Variants in ZNF468 observed in about 807,000 individuals in gnomAD.
The protein encoded by ZNF468 is zinc finger protein ZNF468.
ZNF468 carries 8 observed loss-of-function variants against 7.2 expected under a neutral mutation model. The ratio of observed to expected loss-of-function variants is 1.11; its 90% CI spans 0.65 to 2.01. The LOEUF (loss-of-function observed/expected upper bound fraction) is 2.01, where lower values mean the gene tolerates loss of function less well. Among genes scored for constraint, ZNF468 ranks in the 30% most tolerant of loss-of-function variants. The pLI is 0.00. For synonymous variants in ZNF468, 218 were observed against 214.4 expected (o/e 1.02, Z -0.15); for missense variants, 608 against 626.5 (o/e 0.97, Z 0.31).
Position 52,840,067 on chromosome 19 carries a change from T to C in ZNF468, c.*658A>G, listed in dbSNP as rs1315119202. ...TTTCTCTCCAGTGTGAATTCTAGTA[T>C]GGGGTGCCACGTGTGAATCATTCCC... On this transcript the variant is annotated 3_prime_UTR_variant, in exon 4 of 4. Coordinates refer to ENST00000595646, the MANE Select transcript of ZNF468 (RefSeq NM_001008801.2). 3.6e-6 allele frequency: 4 copies of C among 1,102,720 alleles called. No homozygotes were observed. The highest frequency in any genetic ancestry group is 5.1e-5 in the Admixed American group (2 of 39,118). 68.3% of individuals were successfully genotyped at this position (1,102,720 alleles called of 1,614,324 possible). A position where few individuals can be genotyped will look rare whatever the true frequency, so the allele number is the denominator to read the frequency against.
At position 52,840,126 on chromosome 19, in the gene ZNF468, CT is replaced by C; in HGVS notation, c.*598del. ...TGTCACAAACCTTACATTTCTATGG[CT>C]TTTCTCCAGTGTGAATTCTCCTATG... On this transcript the variant is annotated 3_prime_UTR_variant, in exon 4 of 4. Transcript: ENST00000595646. 1.9e-6 allele frequency: 1 copy of C among 529,530 alleles called. No individual in the cohort carries two copies. Among genetic ancestry groups the C allele is most frequent in the Non-Finnish European group, 3.2e-6 (1 of 316,842 alleles). 32.8% of individuals were successfully genotyped at this position (529,530 alleles called of 1,614,324 possible).
chr19:52,839,637 T>A lies in ZNF468; in HGVS notation c.*1088A>T. On this transcript the variant is annotated 3_prime_UTR_variant, in exon 4 of 4. Transcript: ENST00000595646. ...ACATTTGTAAGATTTCTGTCCAGCA[T>A]GGATTCTCTGATGTCTAATGAGGTG... The A allele has an allele frequency of 1.8e-6, 1 of 550,412 alleles. No individual in the cohort carries two copies. Among genetic ancestry groups the A allele is most frequent in the Non-Finnish European group, 3.7e-6 (1 of 271,278 alleles). 34.1% of individuals were successfully genotyped at this position (550,412 alleles called of 1,614,324 possible). A position where few individuals can be genotyped will look rare whatever the true frequency, so the allele number is the denominator to read the frequency against.
chr19:52,852,527 A>T (rs1230777281), intron 2 of ZNF468, among the ~76,000 whole-genome samples: 2 of 151,878 alleles, frequency 1.3e-5, no homozygotes, highest in Admixed American at 6.6e-5. Flanking sequence ...TACAAAAAAA[A>T]TTAGCTGGGC....
At chr19:52,852,248 C>T (rs914252093) in intron 2 of ZNF468, among the ~76,000 whole-genome samples, 1 of 152,020 alleles carries the variant, frequency 6.6e-6, no homozygotes, top group African/African-American at 2.4e-5. Context: ...CACCTGTAAT[C>T]CCAGCTACTT....
intron 3 of ZNF468, among the ~76,000 whole-genome samples, chr19:52,846,891 C>T (rs1400245680): frequency 6.6e-6 from 1 of 152,066 alleles, no homozygotes; most frequent in Admixed American, 6.5e-5. Flanking sequence ...GTTCCAGCTA[C>T]TCAGGAATCT....
intron 3 of ZNF468, 26 bp downstream of exon 3, chr19:52,849,061 A>T (rs780421014): frequency 1.9e-6 from 3 of 1,612,108 alleles, no homozygotes; most frequent in Non-Finnish European, 1.7e-6. Flanking sequence ...ACAAGGGCAC[A>T]TCCCCAGGAG....
rs1170204226 is a variant in ZNF468 at position 52,847,932 on chromosome 19, T to C, written c.142+1155A>G. On this transcript the variant is annotated intron_variant, in intron 3 of 3. Coordinates refer to ENST00000595646, the MANE Select transcript of ZNF468 (RefSeq NM_001008801.2). ...TCGCATGCTGAGTGTGCTAGCCCCA[T>C]GGGCCCACTGTTCTTTCTCTAAACT... Among the ~76,000 whole-genome samples the C allele has an allele frequency of 1.3e-5, 2 of 152,190 alleles. 1 individual carries two copies. The highest frequency in any genetic ancestry group is 3.9e-4 in the East Asian group (2 of 5,182).
intron 2 of ZNF468, among the ~76,000 whole-genome samples, chr19:52,853,246 C>G (rs1247139225): frequency 6.6e-6 from 1 of 152,034 alleles, no homozygotes; most frequent in Non-Finnish European, 1.5e-5. Context: ...GGAGTGGCTC[C>G]CCAGTGAGGC....
At chr19:52,844,071 G>A (rs977164603) in intron 3 of ZNF468, among the ~76,000 whole-genome samples, 1 of 152,146 alleles carries the variant, frequency 6.6e-6, no homozygotes, top group Admixed American at 6.6e-5. Context: ...AGTGAGACGA[G>A]ATCATGCCAC....
intron 3 of ZNF468, among the ~76,000 whole-genome samples, chr19:52,847,837 T>C (rs7256855): frequency 0.53 from 80,075 of 151,762 alleles, 22,788 homozygotes; most frequent in African/African-American, 0.74. Flanking sequence ...ACACTCCCCT[T>C]GCTAAGATAG....
Position 52,849,109 on chromosome 19 carries a change from A to G in ZNF468, c.120T>C (p.Asn40=). 6.2e-7 allele frequency: 1 copy of G among 1,613,900 alleles called. No homozygotes were observed. Among genetic ancestry groups the G allele is most frequent in the East Asian group, 2.2e-5 (1 of 44,854 alleles). The change falls in exon 3 of 4, where the codon AAT becomes AAC. Residue 40 remains asparagine (N), a synonymous_variant. Coordinates refer to ENST00000595646, the MANE Select transcript of ZNF468 (RefSeq NM_001008801.2). The part of the protein sequence containing the change: ...RTLYRDVMLE[N]YRNLVSLDIS... Reference sequence around the variant, plus strand: ...CACCCAGGGAGACGAGGTTCCTATAATTCTCCAGCATCACGTCCCTGTATA... The same window carrying G: ...CACCCAGGGAGACGAGGTTCCTATAGTTCTCCAGCATCACGTCCCTGTATA...
At chr19:52,852,196 T>C (rs2063396106) in intron 2 of ZNF468, among the ~76,000 whole-genome samples, 1 of 151,714 alleles carries the variant, frequency 6.6e-6, no homozygotes, top group Admixed American at 6.6e-5. Flanking sequence ...TGAAACTCTG[T>C]CTTTACTAAA....
At chr19:52,843,000 A>T (rs1168093225) in intron 3 of ZNF468, among the ~76,000 whole-genome samples, 1 of 151,338 alleles carries the variant, frequency 6.6e-6, no homozygotes, top group African/African-American at 2.4e-5. Context: ...AGGCACCTGT[A>T]ATCCCAGCTC....
chr19:52,841,893 T>C lies in ZNF468; in HGVS notation c.401A>G (p.Lys134Arg), dbSNP rs748508235. 1 of 1,614,132 alleles carries C rather than the reference T, an allele frequency of 6.2e-7. No individual in the cohort carries two copies. The highest frequency in any genetic ancestry group is 1.7e-5 in the Admixed American group (1 of 60,010). Residue 134 changes from lysine (K) to arginine (R), a missense_variant, in exon 4 of 4, where the codon AAG (lysine) becomes AGG (arginine). By Grantham distance (26) the Lys-to-Arg change is conservative (BLOSUM62 2). Coordinates refer to ENST00000595646, the MANE Select transcript of ZNF468 (RefSeq NM_001008801.2). ...TGATCCAAGCTGATCTTTAATACGC[T>C]TGTTTCCAGCATGCCTTTGATCATG... is the stretch of plus-strand genomic sequence containing the variant. ...GQHDQRHAGN[K>R]RIKDQLGSSF...
chr19:52,856,414 G>A (rs60488220), intron 1 of ZNF468, among the ~76,000 whole-genome samples: 15 of 148,708 alleles, frequency 1.0e-4, no homozygotes, highest in African/African-American at 3.7e-4. Context: ...CCTCCTGTTG[G>A]TCCTTCTCCC....
At chr19:52,853,272 G>T in intron 2 of ZNF468, among the ~76,000 whole-genome samples, 1 of 152,112 alleles carries the variant, frequency 6.6e-6, no homozygotes, top group Non-Finnish European at 1.5e-5. Flanking sequence ...GGAGGGTGGA[G>T]GATGTGACAG....
intron 3 of ZNF468, among the ~76,000 whole-genome samples, chr19:52,842,740 T>G (rs2063314514): frequency 8.0e-6 from 1 of 124,466 alleles, no homozygotes; most frequent in Non-Finnish European, 1.6e-5. Flanking sequence ...TGCATTAAGC[T>G]AAAAGGCAAA....
At chr19:52,850,310 T>C (rs1456212649) in intron 2 of ZNF468, among the ~76,000 whole-genome samples, 1 of 152,086 alleles carries the variant, frequency 6.6e-6, no homozygotes, top group African/African-American at 2.4e-5. Flanking sequence ...TTCAACTGCC[T>C]GACCTGGAGG....
Position 52,840,123 on chromosome 19 carries a change from T to C in ZNF468, c.*602A>G. 7.2e-6 allele frequency: 4 copies of C among 558,934 alleles called. No homozygotes were observed. Among genetic ancestry groups the C allele is most frequent in the South Asian group, 3.8e-5 (2 of 52,268 alleles). The allele number at this position is 558,934 out of a possible 1,614,324, so 34.6% of individuals were successfully genotyped here. A position where few individuals can be genotyped will look rare whatever the true frequency, so the allele number is the denominator to read the frequency against. On this transcript the variant is annotated 3_prime_UTR_variant, in exon 4 of 4. Transcript: ENST00000595646. ...CCTTGTCACAAACCTTACATTTCTA[T>C]GGCTTTTCTCCAGTGTGAATTCTCC...
Sources: gnomAD v4.1 joint callset for allele counts (sites outside exome capture counted in the v4.1 genomes callset) on GRCh38, gnomAD v4.1.1 for gene constraint, MANE v1.5 for transcripts, NCBI Gene and HGNC (gene_info 2026-07-23, HGNC 2026-07-21) for gene names.